NLGN1: variants seen among roughly 807,000 people sequenced by gnomAD.
NLGN1 encodes neuroligin-1.
NLGN1 carries 12 observed loss-of-function variants against 65.5 expected under a neutral mutation model. That is an observed-to-expected ratio of 0.18 (90% CI 0.12 to 0.30). NLGN1 has a LOEUF of 0.30. Among genes scored for constraint, NLGN1 ranks in the 10% least tolerant of loss-of-function variants. NLGN1 has a pLI of 1.00. For missense variants in NLGN1, 750 were observed against 1,007.1 expected (o/e 0.74, Z 3.46); for synonymous variants, 350 against 359.5 (o/e 0.97, Z 0.30).
intron 2 of NLGN1, among the ~76,000 whole-genome samples, chr3:173,488,743 G>T (rs1263454090): frequency 6.6e-6 from 1 of 151,938 alleles, no homozygotes; most frequent in East Asian, 1.9e-4. Context: ...TCTAAGGTTT[G>T]ATCTTATTTA....
At chr3:173,878,262 G>T (rs1032817984) in intron 4 of NLGN1, among the ~76,000 whole-genome samples, 2 of 152,032 alleles carry the variant, frequency 1.3e-5, no homozygotes, top group Non-Finnish European at 1.5e-5. Context: ...GGCTGGTCTC[G>T]AACTTCTGAC....
At chr3:173,763,710 A>C (rs1055151697) in intron 3 of NLGN1, among the ~76,000 whole-genome samples, 3 of 152,102 alleles carry the variant, frequency 2.0e-5, no homozygotes, top group Non-Finnish European at 4.4e-5. Flanking sequence ...TAGAGCTATA[A>C]GAAAAAGGGG....
intron 3 of NLGN1, among the ~76,000 whole-genome samples, chr3:173,630,964 G>C (rs1392885921): frequency 6.6e-6 from 1 of 152,090 alleles, no homozygotes; most frequent in Non-Finnish European, 1.5e-5. Context: ...TGGTCCAGAT[G>C]GGGAGCTTCA....
intron 4 of NLGN1, among the ~76,000 whole-genome samples, chr3:174,236,420 C>G (rs1001579364): frequency 4.6e-5 from 7 of 151,778 alleles, no homozygotes; most frequent in African/African-American, 1.7e-4. Context: ...TACTGTATTT[C>G]TAAGAGTCTT....
At chr3:173,620,574 A>G (rs1753835057) in intron 3 of NLGN1, among the ~76,000 whole-genome samples, 1 of 152,164 alleles carries the variant, frequency 6.6e-6, no homozygotes, top group Non-Finnish European at 1.5e-5. Flanking sequence ...GCACCAGAAA[A>G]TAAACAGAAG....
chr3:173,893,883 A>G (rs113013988), intron 4 of NLGN1, among the ~76,000 whole-genome samples: 1 of 152,146 alleles, frequency 6.6e-6, no homozygotes, highest in African/African-American at 2.4e-5. Context: ...CTGCACCCTG[A>G]ATACTTATGT....
intron 3 of NLGN1, among the ~76,000 whole-genome samples, chr3:173,741,108 A>G (rs1442540241): frequency 6.6e-6 from 1 of 152,210 alleles, no homozygotes; most frequent in East Asian, 1.9e-4. Flanking sequence ...ATAAACTAAT[A>G]GAACCTAAAG....
At chr3:173,904,249 AATCTCTCCTTTT>A (rs986757045) in intron 4 of NLGN1, among the ~76,000 whole-genome samples, 7 of 151,990 alleles carry the variant, frequency 4.6e-5, no homozygotes, top group African/African-American at 1.7e-4. Flanking sequence ...CTCATTTTTT[AATCTCTCCTTTT>A]ATCTCTCCTT....
At chr3:173,645,717 G>A (rs1460622818) in intron 3 of NLGN1, among the ~76,000 whole-genome samples, 1 of 152,222 alleles carries the variant, frequency 6.6e-6, no homozygotes, top group South Asian at 2.1e-4. Context: ...GGATGGAGGA[G>A]GAGGTAATCC....
chr3:173,650,887 T>C (rs1038705785), intron 3 of NLGN1, among the ~76,000 whole-genome samples: 28 of 152,242 alleles, frequency 1.8e-4, no homozygotes, highest in African/African-American at 6.7e-4. Flanking sequence ...CTGCCTCTTG[T>C]TATTTTTGGA....
At chr3:173,719,204 A>G (rs1770390063) in intron 3 of NLGN1, among the ~76,000 whole-genome samples, 1 of 152,182 alleles carries the variant, frequency 6.6e-6, no homozygotes, top group South Asian at 2.1e-4. Flanking sequence ...TGTTAGTAAG[A>G]CTTGCTCTAG....
At chr3:173,981,669 T>C (rs1278953980) in intron 4 of NLGN1, among the ~76,000 whole-genome samples, 1 of 152,130 alleles carries the variant, frequency 6.6e-6, no homozygotes, top group African/African-American at 2.4e-5. Context: ...TATTTGTATA[T>C]AGAGAAATAT....
At chr3:174,029,518 G>C (rs1005515077) in intron 4 of NLGN1, among the ~76,000 whole-genome samples, 1 of 152,130 alleles carries the variant, frequency 6.6e-6, no homozygotes, top group Non-Finnish European at 1.5e-5. Flanking sequence ...AGGCTCACAG[G>C]TGGAAGGGAC....
chr3:173,912,114 G>T (rs143962957), intron 4 of NLGN1, among the ~76,000 whole-genome samples: 1,897 of 152,242 alleles, frequency 0.012, 31 homozygotes, highest in Non-Finnish European at 0.019. Flanking sequence ...AAAACATAGA[G>T]CCTGACAGTG....
chr3:174,292,540 G>T, the NLGN1 span, among the ~76,000 whole-genome samples: 1 of 151,324 alleles, frequency 6.6e-6, no homozygotes, highest in Admixed American at 6.6e-5. Flanking sequence ...TACCACTTAT[G>T]GCAGATAATT....
At chr3:173,450,572 GGCATTCTCTGT>G (rs1479584651) in intron 2 of NLGN1, among the ~76,000 whole-genome samples, 2 of 152,048 alleles carry the variant, frequency 1.3e-5, no homozygotes, top group Non-Finnish European at 2.9e-5. Context: ...GTATCTTTGT[GGCATTCTCTGT>G]ATTTCCTGAA....
intron 3 of NLGN1, among the ~76,000 whole-genome samples, chr3:173,672,411 G>C (rs571646526): frequency 6.6e-6 from 1 of 152,276 alleles, no homozygotes; most frequent in Non-Finnish European, 1.5e-5. Flanking sequence ...ATTTGCATAA[G>C]GTTATTGTTT....
At chr3:173,558,885 G>C (rs1742164026) in intron 2 of NLGN1, among the ~76,000 whole-genome samples, 1 of 127,296 alleles carries the variant, frequency 7.9e-6, no homozygotes, top group Admixed American at 7.8e-5. Context: ...TGTAGTAAAG[G>C]CTTTGTTTGA....
At chr3:174,049,985 A>G (rs1734459612) in intron 4 of NLGN1, among the ~76,000 whole-genome samples, 1 of 152,052 alleles carries the variant, frequency 6.6e-6, no homozygotes, top group African/African-American at 2.4e-5. Flanking sequence ...TTTCAAGAGA[A>G]AAGGGGAATA....
Sources: gnomAD v4.1 joint callset for allele counts (sites outside exome capture counted in the v4.1 genomes callset) on GRCh38, gnomAD v4.1.1 for gene constraint, MANE v1.5 for transcripts, NCBI Gene and HGNC (gene_info 2026-07-23, HGNC 2026-07-21) for gene names.